Variants in CDYL observed in about 807,000 individuals in gnomAD.
CDYL encodes the protein chromodomain Y-like protein.
In CDYL, 8 loss-of-function variants were observed where a neutral mutation model predicts 47.3. The ratio of observed to expected loss-of-function variants is 0.17; its 90% CI spans 0.10 to 0.31. The LOEUF is 0.31. Ranked by LOEUF, CDYL falls within the 10% of genes least tolerant of loss-of-function variation. The pLI is 1.00. For synonymous variants in CDYL, 266 were observed against 265.0 expected (o/e 1.00, Z -0.04); for missense variants, 471 against 701.4 (o/e 0.67, Z 3.71).
chr6:4,827,944 C>T (rs2127452066), intron 1 of CDYL, among the ~76,000 whole-genome samples: 1 of 152,284 alleles, frequency 6.6e-6, no homozygotes, highest in South Asian at 2.1e-4. Context: ...CGGGAGCCAT[C>T]GCACCCAGCC....
intron 1 of CDYL, among the ~76,000 whole-genome samples, chr6:4,852,168 C>T (rs1211574679): frequency 6.6e-6 from 1 of 152,168 alleles, no homozygotes; most frequent in Non-Finnish European, 1.5e-5. Context: ...TACTGATGAT[C>T]CTTGCTGAAT....
intron 1 of CDYL, among the ~76,000 whole-genome samples, chr6:4,827,181 T>C (rs1581193564): frequency 6.6e-6 from 1 of 152,232 alleles, no homozygotes; most frequent in Non-Finnish European, 1.5e-5. Flanking sequence ...TTTCAACCTT[T>C]TTGTTTTTGA....
At chr6:4,906,965 C>T (rs1354092035) in intron 2 of CDYL, among the ~76,000 whole-genome samples, 1 of 152,210 alleles carries the variant, frequency 6.6e-6, no homozygotes, top group Non-Finnish European at 1.5e-5. Context: ...ATTGTGCAGT[C>T]TAATGTGTGC....
At chr6:4,821,212 C>T (rs1338186399) in intron 1 of CDYL, among the ~76,000 whole-genome samples, 3 of 137,668 alleles carry the variant, frequency 2.2e-5, no homozygotes, top group Non-Finnish European at 3.1e-5. Flanking sequence ...AAAAGCACAA[C>T]AAAATGTAAA....
At chr6:4,777,786 C>T (rs769018906) in intron 1 of CDYL, among the ~76,000 whole-genome samples, 1 of 152,070 alleles carries the variant, frequency 6.6e-6, no homozygotes, top group Non-Finnish European at 1.5e-5. Flanking sequence ...CTCTTATGGG[C>T]GTATTATTGC....
chr6:4,900,622 C>T (rs1029572617), intron 2 of CDYL, among the ~76,000 whole-genome samples: 12 of 151,580 alleles, frequency 7.9e-5, no homozygotes, highest in Admixed American at 3.9e-4. Context: ...ATTGTGAGTA[C>T]ATATTTACCT....
intron 1 of CDYL, among the ~76,000 whole-genome samples, chr6:4,867,066 C>G (rs1761343598): frequency 6.6e-6 from 1 of 152,024 alleles, no homozygotes; most frequent in Admixed American, 6.5e-5. Context: ...GAATATTTTG[C>G]CATTAGTGTT....
intron 1 of CDYL, among the ~76,000 whole-genome samples, chr6:4,843,949 G>C (rs766030613): frequency 6.6e-6 from 1 of 152,038 alleles, no homozygotes; most frequent in African/African-American, 2.4e-5. Flanking sequence ...TTCTCATTTG[G>C]GTATACTATG....
intron 2 of CDYL, among the ~76,000 whole-genome samples, chr6:4,895,702 TGTTA>T (rs1332872849): frequency 6.6e-6 from 1 of 152,092 alleles, no homozygotes; most frequent in South Asian, 2.1e-4. Context: ...CCCTCTCGTG[TGTTA>T]GTTCTTTCAA....
chr6:4,815,972 G>GTTTT (rs66530204), intron 1 of CDYL, among the ~76,000 whole-genome samples: 13 of 140,442 alleles, frequency 9.3e-5, no homozygotes, highest in African/African-American at 1.6e-4. Flanking sequence ...ATTTTTATAG[G>GTTTT]TTTTTTTTTT....
intron 3 of CDYL, among the ~76,000 whole-genome samples, chr6:4,747,718 A>T (rs757451790): frequency 2.0e-5 from 3 of 152,212 alleles, no homozygotes; most frequent in Non-Finnish European, 4.4e-5. Flanking sequence ...GTTTCTCACC[A>T]GTGCAAGGCC....
At chr6:4,910,958 C>G (rs1300227343) in intron 2 of CDYL, among the ~76,000 whole-genome samples, 1 of 152,064 alleles carries the variant, frequency 6.6e-6, no homozygotes, top group East Asian at 1.9e-4. Context: ...CTCAGCCTCC[C>G]GAGTAGCTGG....
intron 1 of CDYL, among the ~76,000 whole-genome samples, chr6:4,883,303 G>A (rs1338297297): frequency 2.6e-5 from 4 of 152,102 alleles, no homozygotes; most frequent in Non-Finnish European, 5.9e-5. Context: ...CCTTCCTCAG[G>A]GATGAAAAAG....
At chr6:4,813,602 T>C (rs564005677) in intron 1 of CDYL, among the ~76,000 whole-genome samples, 111 of 152,358 alleles carry the variant, frequency 7.3e-4, no homozygotes, top group African/African-American at 2.6e-3. Flanking sequence ...TGCTGTGAGA[T>C]TGACGGATCC....
At chr6:4,722,993 C>T (rs1757400556) in intron 2 of CDYL, among the ~76,000 whole-genome samples, 1 of 152,178 alleles carries the variant, frequency 6.6e-6, no homozygotes, top group African/African-American at 2.4e-5. Flanking sequence ...CAAGACCACT[C>T]CCTTTAACTG....
At chr6:4,752,908 G>GTAGA (rs373009788) in intron 3 of CDYL, among the ~76,000 whole-genome samples, 4 of 150,844 alleles carry the variant, frequency 2.7e-5, no homozygotes, top group African/African-American at 7.3e-5. Flanking sequence ...ATGTAGGTAG[G>GTAGA]TAGATAGATA....
chr6:4,848,279 T>G (rs888959669), intron 1 of CDYL, among the ~76,000 whole-genome samples: 1 of 152,204 alleles, frequency 6.6e-6, no homozygotes, highest in Non-Finnish European at 1.5e-5. Context: ...GAACTCATGG[T>G]AACATAACTC....
intron 3 of CDYL, among the ~76,000 whole-genome samples, chr6:4,762,499 G>A (rs1263028244): frequency 6.6e-6 from 1 of 151,848 alleles, no homozygotes; most frequent in African/African-American, 2.4e-5. Flanking sequence ...ACAGGTGTTA[G>A]AGTTTGCACA....
intron 2 of CDYL, among the ~76,000 whole-genome samples, chr6:4,725,560 C>T (rs993762411): frequency 6.6e-6 from 1 of 152,236 alleles, no homozygotes; most frequent in Non-Finnish European, 1.5e-5. Flanking sequence ...TCTCACTGCC[C>T]GGGGCTTGCT....
Sources: allele counts gnomAD v4.1 joint callset (sites outside exome capture counted in the v4.1 genomes callset), GRCh38; gene constraint gnomAD v4.1.1; transcripts MANE v1.5; gene names NCBI Gene and HGNC (gene_info 2026-07-23, HGNC 2026-07-21).